The following CD96 variants were observed in gnomAD, a reference collection of about 807,000 sequenced individuals.
CD96 encodes CD96 molecule, also known as T-cell surface protein tactile.
In CD96, 70 loss-of-function variants were observed where a neutral mutation model predicts 71.3. The ratio of observed to expected loss-of-function variants is 0.98; its 90% CI spans 0.81 to 1.20. The LOEUF is 1.20. CD96 is among the 50% of genes most tolerant of loss of function. CD96 has a pLI of 0.00. For synonymous variants in CD96, 248 were observed against 233.0 expected (o/e 1.06, Z -0.59); for missense variants, 742 against 677.5 (o/e 1.10, Z -1.06).
intron 2 of CD96, among the ~76,000 whole-genome samples, chr3:111,562,350 T>C (rs1469331277): frequency 6.6e-6 from 1 of 152,208 alleles, no homozygotes; most frequent in Non-Finnish European, 1.5e-5. Flanking sequence ...CCATGTCTCA[T>C]AATTTTGTGT....
At chr3:111,658,915 G>A (rs1487352011) in intron 14 of CD96, among the ~76,000 whole-genome samples, 1 of 152,188 alleles carries the variant, frequency 6.6e-6, no homozygotes, top group East Asian at 1.9e-4. Flanking sequence ...AATGAGTTAG[G>A]GAAAAGCCCC....
rs142347690 is a variant in CD96, at chr3:111,607,969, T to G, written c.1180+1177T>G. On this transcript the variant is annotated intron_variant, in intron 8 of 13. Coordinates refer to ENST00000352690, the MANE Select transcript of CD96 (RefSeq NM_005816.5). ...TCTCTAGTATCCTGTGTATTAGTTA[T>G]CCATTGCTGCATTAAAAATGCCCCA... 1.2e-4 allele frequency among the ~76,000 whole-genome samples: 19 copies of G among 152,376 alleles called. No individual in the cohort carries two copies. In the East Asian group the frequency reaches 2.5e-3, roughly 20 times the overall value.
chr3:111,597,954 G>A (rs62275482), intron 5 of CD96, among the ~76,000 whole-genome samples, 166 bp from the exon 6 acceptor site: 8,150 of 152,260 alleles, frequency 0.054, 277 homozygotes, highest in Middle Eastern at 0.12. Context: ...CCCATTTATA[G>A]TGCACGTTCT....
At chr3:111,614,041 G>T (rs1416308022) in intron 8 of CD96, among the ~76,000 whole-genome samples, 3 of 152,094 alleles carry the variant, frequency 2.0e-5, no homozygotes, top group African/African-American at 4.8e-5. Context: ...GGCTTTTTTG[G>T]TGATTTCCAT....
chr3:111,618,533 T>G (rs1363027717), intron 8 of CD96, among the ~76,000 whole-genome samples: 1 of 151,894 alleles, frequency 6.6e-6, no homozygotes, highest in African/African-American at 2.4e-5. Flanking sequence ...CCTTTATATG[T>G]AATTTTTAAT....
At chr3:111,663,262 C>T (rs971826338) in intron 14 of CD96, among the ~76,000 whole-genome samples, 2 of 152,138 alleles carry the variant, frequency 1.3e-5, no homozygotes, top group East Asian at 3.8e-4. Flanking sequence ...AAATCTGCCC[C>T]CACGATTCAA....
intron 2 of CD96, among the ~76,000 whole-genome samples, chr3:111,548,749 G>C (rs1934544750): frequency 6.6e-6 from 1 of 152,168 alleles, no homozygotes; most frequent in Non-Finnish European, 1.5e-5. Context: ...GGAAGTAGTA[G>C]TAATAGTAGC....
At chr3:111,619,262 GT>G (rs11294014) in intron 8 of CD96, among the ~76,000 whole-genome samples, 140,953 of 152,086 alleles carry the variant, frequency 0.93, 65,658 homozygotes, top group Non-Finnish European at 0.97. Flanking sequence ...AAAAGGGTGG[GT>G]TTTTTTTTAT....
intron 14 of CD96, among the ~76,000 whole-genome samples, chr3:111,660,452 G>T (rs1002343541): frequency 8.5e-5 from 13 of 152,120 alleles, no homozygotes; most frequent in African/African-American, 2.9e-4. Context: ...AGAGAAATTT[G>T]CATATTCAAT....
Position 111,638,173 on chromosome 3 carries a change from G to A in CD96, c.1477+5G>A, listed in dbSNP as rs748780722. On this transcript the variant is annotated splice_donor_5th_base_variant and intron_variant, in intron 12 of 13. Transcript: ENST00000352690. ...CTAATCACGTCCATATCACTGGTAA[G>A]TCATTTATCCTATTTTGGGGGATTT... 6.5e-7 allele frequency: 1 copy of A among 1,537,374 alleles called. No individual in the cohort carries two copies. Among genetic ancestry groups the A allele is most frequent in the Non-Finnish European group, 9.0e-7 (1 of 1,110,006 alleles).
rs1373021552 is a variant in CD96, at chr3:111,615,627, A to AAAATAATCTAGGTTTAGAATGAAAGC, written c.1181-8106_1181-8081dup. Among the ~76,000 whole-genome samples, 10 of 152,266 alleles carry AAAATAATCTAGGTTTAGAATGAAAGC rather than the reference A, an allele frequency of 6.6e-5. 1 individual carries two copies. The South Asian group carries it at 2.1e-3, about 32-fold the overall frequency. ...GTCTGCGTGCATGTGTGTTTTAATA[A>AAAATAATCTAGGTTTAGAATGAAAGC]AAATAATCTAGGTTTAGAATGAAAG... On this transcript the variant is annotated intron_variant, in intron 8 of 13. Coordinates refer to ENST00000352690, the MANE Select transcript of CD96 (RefSeq NM_005816.5).
chr3:111,639,566 G>T (rs1939498402), intron 12 of CD96, among the ~76,000 whole-genome samples: 2 of 152,256 alleles, frequency 1.3e-5, no homozygotes, highest in Admixed American at 6.5e-5. Flanking sequence ...GAAAGACAAA[G>T]GGCATATAAT....
At chr3:111,594,209 C>G (rs750992673) in intron 5 of CD96, 1 of 1,578,850 alleles carries the variant, frequency 6.3e-7, no homozygotes, top group South Asian at 1.2e-5. Context: ...CATGTCACCT[C>G]TTCTACAGCG....
At chr3:111,582,948 C>G (rs1283167384) in intron 4 of CD96, among the ~76,000 whole-genome samples, 1 of 152,142 alleles carries the variant, frequency 6.6e-6, no homozygotes, top group East Asian at 1.9e-4. Flanking sequence ...TCAATCATGC[C>G]TTCCCAACAG....
chr3:111,639,596 C>T (rs542331591), intron 12 of CD96, among the ~76,000 whole-genome samples: 11 of 152,250 alleles, frequency 7.2e-5, no homozygotes, highest in Non-Finnish European at 1.0e-4. Context: ...TCTAAGGCCC[C>T]GCCCACCACC....
intron 9 of CD96, 135 bp from the exon 10 acceptor site, chr3:111,624,198 T>A (rs1938636918): frequency 1.4e-6 from 1 of 717,450 alleles, no homozygotes; most frequent in African/African-American, 1.7e-5. Flanking sequence ...CCAGCTAGTG[T>A]TCCTGCATAG....
At chr3:111,632,345 A>G (rs1939108760) in intron 10 of CD96, among the ~76,000 whole-genome samples, 1 of 152,204 alleles carries the variant, frequency 6.6e-6, no homozygotes, top group South Asian at 2.1e-4. Context: ...GAAGACATAC[A>G]TGTGGCCAGA....
intron 10 of CD96, among the ~76,000 whole-genome samples, chr3:111,632,923 C>G (rs1438163906): frequency 6.6e-6 from 1 of 152,146 alleles, no homozygotes; most frequent in African/African-American, 2.4e-5. Context: ...GCAGTGTTAT[C>G]ATTTATGTGT....
intron 7 of CD96, among the ~76,000 whole-genome samples, chr3:111,603,464 G>A (rs916565438): frequency 7.9e-5 from 12 of 151,306 alleles, no homozygotes; most frequent in Admixed American, 4.6e-4. Context: ...AAAAAATCCC[G>A]CCCTGCTAGC....
Sources: gnomAD v4.1 joint callset for allele counts (sites outside exome capture counted in the v4.1 genomes callset) on GRCh38, gnomAD v4.1.1 for gene constraint, MANE v1.5 for transcripts, NCBI Gene and HGNC (gene_info 2026-07-23, HGNC 2026-07-21) for gene names.